Variants in CCAR1 observed in about 807,000 individuals in gnomAD.
The protein encoded by CCAR1 is cell division cycle and apoptosis regulator protein 1.
CCAR1 carries 78 observed loss-of-function variants against 163.8 expected under a neutral mutation model. The ratio of observed to expected loss-of-function variants is 0.48; its 90% CI spans 0.40 to 0.57. The LOEUF (loss-of-function observed/expected upper bound fraction) is 0.57. Among genes scored for constraint, CCAR1 ranks in the 20% least tolerant of loss-of-function variants. The pLI, the probability that CCAR1 is intolerant of heterozygous loss-of-function variation, is 0.00. For missense variants in CCAR1, 1,019 were observed against 1,365.2 expected, an observed-to-expected ratio of 0.75 and a Z score of 4.00; for synonymous variants, 443 against 460.7, an observed-to-expected ratio of 0.96 and a Z score of 0.49.
rs1466134943 is a variant in CCAR1 at position 68,747,527 on chromosome 10, A to C, written c.787A>C (p.Thr263Pro). The C allele has an allele frequency of 1.2e-6, 2 of 1,613,940 alleles. No homozygotes were observed. The highest frequency in any genetic ancestry group is 2.7e-5 in the African/African-American group (2 of 74,882). Residue 263 changes from threonine (T) to proline (P), a missense_variant, in exon 8 of 25, where the codon ACT (threonine) becomes CCT (proline). Coordinates refer to ENST00000265872, the MANE Select transcript of CCAR1 (RefSeq NM_018237.4). ...AGCTTCTATTACACCACTATTGCAG[A>C]CTCAACCACAGCCCTTATTACAGCA... is the stretch of plus-strand genomic sequence containing the variant. ...SAASITPLLQ[T>P]QPQPLLQQPQ...
At chr10:68,746,401 T>C (rs966464294) in intron 6 of CCAR1, among the ~76,000 whole-genome samples, 2 of 152,108 alleles carry the variant, frequency 1.3e-5, no homozygotes, top group Non-Finnish European at 2.9e-5. Context: ...GGCTAATTTT[T>C]GTATTTTTAG....
At chr10:68,760,280 T>C (rs989201356) in intron 15 of CCAR1, among the ~76,000 whole-genome samples, 4 of 152,156 alleles carry the variant, frequency 2.6e-5, no homozygotes, top group African/African-American at 7.2e-5. Context: ...CCCAAGTGGT[T>C]AGGACTACAG....
intron 15 of CCAR1, among the ~76,000 whole-genome samples, chr10:68,760,127 C>T (rs1403752834): frequency 6.6e-5 from 10 of 152,144 alleles, no homozygotes; most frequent in Admixed American, 3.3e-4. Flanking sequence ...CCACCATTCC[C>T]TGCTGGTGTT....
At chr10:68,770,919 T>TA (rs2056593814) in intron 17 of CCAR1, among the ~76,000 whole-genome samples, 5 of 151,494 alleles carry the variant, frequency 3.3e-5, no homozygotes, top group Non-Finnish European at 7.4e-5. Flanking sequence ...CTACTAAAAA[T>TA]ACAAAAAAAT....
At position 68,791,409 on chromosome 10, in the gene CCAR1, T is replaced by G. The variant is rs2056850707; in HGVS notation, c.*143T>G. ...CAAATGATGTATAAAGTTTTATGAA[T>G]GTGAGTTTCTGCTTTTGAAAATTGC... On this transcript the variant is annotated 3_prime_UTR_variant, in exon 25 of 25. Transcript: ENST00000265872. 2.1e-6 allele frequency: 1 copy of G among 485,484 alleles called. No homozygotes were observed. Among genetic ancestry groups the G allele is most frequent in the African/African-American group, 2.0e-5 (1 of 49,368 alleles). 30.1% of individuals were successfully genotyped at this position (485,484 alleles called of 1,614,324 possible). A position where few individuals can be genotyped will look rare whatever the true frequency, so the allele number is the denominator to read the frequency against.
chr10:68,731,318 T>C (rs2133309853), intron 2 of CCAR1, among the ~76,000 whole-genome samples: 1 of 152,330 alleles, frequency 6.6e-6, no homozygotes, highest in East Asian at 1.9e-4. Context: ...TATAAAAATA[T>C]TCAAGGATAG....
At chr10:68,729,043 A>G (rs1470779940) in intron 2 of CCAR1, among the ~76,000 whole-genome samples, 2 of 151,980 alleles carry the variant, frequency 1.3e-5, no homozygotes, top group Non-Finnish European at 2.9e-5. Flanking sequence ...GATACCCACT[A>G]TGTGTGACTA....
chr10:68,724,910 G>A (rs1176662325), intron 2 of CCAR1, among the ~76,000 whole-genome samples: 7 of 152,248 alleles, frequency 4.6e-5, no homozygotes, highest in South Asian at 4.1e-4. Flanking sequence ...AGGCCAAGGC[G>A]GGCAGATCAC....
rs769835708 is a variant in CCAR1 at position 68,788,320 on chromosome 10, A to C, written c.3179A>C (p.Glu1060Ala). The C allele has an allele frequency of 5.1e-6, 8 of 1,561,248 alleles. No individual in the cohort carries two copies. The highest frequency in any genetic ancestry group is 6.9e-6 in the Non-Finnish European group (8 of 1,162,616). ...EVEQKLQLLE[E>A]KTDEDEKTIL... The stretch of plus-strand genomic sequence containing the variant: ...GAACAGAAGCTGCAGTTACTAGAAG[A>C]AAAAACAGGTAAGGGTCAGCTTTGA... The change falls in exon 23 of 25, where the codon GAA (glutamate) becomes GCA (alanine). Residue 1060 changes from glutamate (E) to alanine (A), a missense_variant. Transcript: ENST00000265872.
In CCAR1 at chr10:68,742,429, A is replaced by G; in HGVS notation, c.378A>G (p.Ala126=). 2 of 1,614,178 alleles carry G rather than the reference A, an allele frequency of 1.2e-6. No homozygotes were observed. Among genetic ancestry groups the G allele is most frequent in the Non-Finnish European group, 1.7e-6 (2 of 1,180,028 alleles). ...GCCTGTCTACTCCTCAGCCAACAGC[A>G]CAAATAACTGTATCATATCCAACAC... ...SLSLSTPQPT[A]QITVSYPTPR... The change falls in exon 6 of 25, where the codon GCA becomes GCG. Residue 126 remains alanine (A), a synonymous_variant. Transcript: ENST00000265872.
At position 68,788,335 on chromosome 10, in the gene CCAR1, G is replaced by A. The variant is rs773315147; in HGVS notation, c.3187+7G>A. The stretch of plus-strand genomic sequence containing the variant: ...TTACTAGAAGAAAAAACAGGTAAGG[G>A]TCAGCTTTGAATATGTTAATACTTT... On this transcript the variant is annotated splice_region_variant and intron_variant, in intron 23 of 24. Coordinates refer to ENST00000265872, the MANE Select transcript of CCAR1 (RefSeq NM_018237.4). 6 of 1,546,670 alleles carry A rather than the reference G, an allele frequency of 3.9e-6. No individual in the cohort carries two copies. The highest frequency in any genetic ancestry group is 2.2e-5 in the Admixed American group (1 of 44,464).
At chr10:68,749,046 T>A in intron 8 of CCAR1, 90 bp from the exon 9 acceptor site, 1 of 1,465,180 alleles carries the variant, frequency 6.8e-7, no homozygotes, top group Non-Finnish European at 9.4e-7. Flanking sequence ...TCACTCTCAG[T>A]TATTTAACTT....
rs879639883 is a variant in CCAR1 at position 68,786,528 on chromosome 10, ACTT to A, written c.2734-15_2734-13del. 2.6e-6 allele frequency: 4 copies of A among 1,541,612 alleles called. No homozygotes were observed. The highest frequency in any genetic ancestry group is 1.2e-5 in the South Asian group (1 of 81,510). On this transcript the variant is annotated splice_polypyrimidine_tract_variant and intron_variant, in intron 20 of 24. Coordinates refer to ENST00000265872, the MANE Select transcript of CCAR1 (RefSeq NM_018237.4). ...TTGAAATTTGAATACTATGTTTTCT[ACTT>A]CTCCATTTTCTTAGGAAAAAGAAAA...
intron 19 of CCAR1, among the ~76,000 whole-genome samples, chr10:68,781,165 G>A (rs1015515963): frequency 6.6e-6 from 1 of 150,418 alleles, no homozygotes; most frequent in African/African-American, 2.5e-5. Flanking sequence ...CCAGAGAGGC[G>A]GAGGTTGCAA....
At chr10:68,760,731 G>A in intron 15 of CCAR1, 1 of 201,350 alleles carries the variant, frequency 5.0e-6, no homozygotes, top group Non-Finnish European at 1.0e-5. Context: ...GGATGTGATT[G>A]TGCGCATCTG....
intron 15 of CCAR1, among the ~76,000 whole-genome samples, chr10:68,759,839 T>A (rs924535396): frequency 1.3e-5 from 2 of 152,178 alleles, no homozygotes; most frequent in East Asian, 1.9e-4. Context: ...TAAATTGATA[T>A]ACAGATATTT....
chr10:68,771,544 C>A, intron 18 of CCAR1, 99 bp downstream of exon 18: 1 of 1,093,900 alleles, frequency 9.1e-7, no homozygotes, highest in Non-Finnish European at 1.3e-6. Flanking sequence ...AAAAGCCAAA[C>A]TGAAAGATTT....
chr10:68,749,395 C>T (rs1243884724), intron 9 of CCAR1, 129 bp from the exon 10 acceptor site: 2 of 1,272,936 alleles, frequency 1.6e-6, no homozygotes, highest in Admixed American at 2.9e-5. Context: ...GTCTATTTTA[C>T]TACAATTTTT....
rs531365569 is a variant in CCAR1 at position 68,772,495 on chromosome 10, A to C, written c.2539-493A>C. 2.2e-3 allele frequency among the ~76,000 whole-genome samples: 341 copies of C among 152,094 alleles called. 2 individuals are homozygous for C. The highest frequency in any genetic ancestry group is 7.6e-3 in the African/African-American group (314 of 41,498). On this transcript the variant is annotated intron_variant, in intron 18 of 24. Transcript: ENST00000265872. ...GAGACTGTGTCTCAAAAAAAACAAA[A>C]AAAAAAAAGTAATTTGCAATGTAAA...
Sources: gnomAD v4.1 joint callset for allele counts (sites outside exome capture counted in the v4.1 genomes callset) on GRCh38, gnomAD v4.1.1 for gene constraint, MANE v1.5 for transcripts, NCBI Gene and HGNC (gene_info 2026-07-23, HGNC 2026-07-21) for gene names.